Variants in CD36 observed in about 807,000 individuals in gnomAD.
The protein encoded by CD36 is platelet glycoprotein 4.
In CD36, 119 loss-of-function variants were observed where a neutral mutation model predicts 55.2. The ratio of observed to expected loss-of-function variants is 2.15; its 90% CI spans 1.86 to 2.51. The LOEUF (loss-of-function observed/expected upper bound fraction) is 2.51. Ranked by LOEUF, CD36 falls within the 30% of genes most tolerant of loss-of-function variation. The pLI is 0.00. For missense variants in CD36, 819 were observed against 555.5 expected, an observed-to-expected ratio of 1.47 and a Z score of -4.77; for synonymous variants, 186 against 193.6, an observed-to-expected ratio of 0.96 and a Z score of 0.33.
intron 1 of CD36, among the ~76,000 whole-genome samples, chr7:80,620,863 A>G (rs947413092): frequency 2.0e-5 from 3 of 152,258 alleles, no homozygotes; most frequent in Non-Finnish European, 4.4e-5. Context: ...CGTGACAACA[A>G]AGAATTTATA....
At chr7:80,663,584 T>A (rs924918552) in intron 6 of CD36, among the ~76,000 whole-genome samples, 2 of 152,004 alleles carry the variant, frequency 1.3e-5, no homozygotes, top group South Asian at 4.1e-4. Context: ...TTTTAATTTA[T>A]ATTTAAAAGT....
intron 1 of CD36, among the ~76,000 whole-genome samples, chr7:80,627,741 T>G (rs957567485): frequency 1.2e-4 from 18 of 152,234 alleles, no homozygotes; most frequent in African/African-American, 4.3e-4. Flanking sequence ...GTGACTGAAT[T>G]ATTTTAATAC....
intron 3 of CD36, among the ~76,000 whole-genome samples, chr7:80,654,597 T>G (rs1164119106): frequency 6.6e-6 from 1 of 152,138 alleles, no homozygotes; most frequent in Non-Finnish European, 1.5e-5. Flanking sequence ...CAATTTTGTC[T>G]TAATATTAGA....
intron 10 of CD36, among the ~76,000 whole-genome samples, chr7:80,671,671 A>G (rs1034554653): frequency 6.6e-6 from 1 of 151,256 alleles, no homozygotes; most frequent in African/African-American, 2.5e-5. Context: ...GGTGTGGAAG[A>G]AGAAAGAAAA....
chr7:80,675,482 C>T (rs1231982001), intron 14 of CD36, among the ~76,000 whole-genome samples: 2 of 151,834 alleles, frequency 1.3e-5, no homozygotes, highest in Admixed American at 6.6e-5. Flanking sequence ...TGTCAGATTC[C>T]TTGGGTCTAT....
At chr7:80,628,620 G>T (rs1793885787) in intron 1 of CD36, among the ~76,000 whole-genome samples, 2 of 151,994 alleles carry the variant, frequency 1.3e-5, no homozygotes, top group South Asian at 4.1e-4. Context: ...AAATACCTGT[G>T]ATCTAATGCC....
chr7:80,671,426 A>T (rs1322472747), intron 10 of CD36, among the ~76,000 whole-genome samples: 4 of 152,280 alleles, frequency 2.6e-5, no homozygotes, highest in African/African-American at 7.2e-5. Context: ...CTTGTGTTTC[A>T]GTATTACAAA....
chr7:80,603,155 G>A lies in CD36; in HGVS notation c.-184+776G>A, dbSNP rs12531218. Among the ~76,000 whole-genome samples the A allele has an allele frequency of 8.5e-3, 1,294 of 152,076 alleles. 59 individuals are homozygous for A. In the East Asian group the frequency reaches 0.11, roughly 12 times the overall value. On this transcript the variant is annotated intron_variant, in intron 1 of 13. Transcript: ENST00000309881. ...TGGCTACATAAGATCAGACAACACC[G>A]CCAGGAATGACAGAGTCGTTACTTA...
intron 1 of CD36, among the ~76,000 whole-genome samples, chr7:80,640,501 T>C (rs1355184415): frequency 1.3e-5 from 2 of 152,016 alleles, no homozygotes; most frequent in African/African-American, 2.4e-5. Context: ...TAGAGAAAAC[T>C]GTATCACAGA....
At chr7:80,610,647 T>C (rs1792827142) in intron 1 of CD36, among the ~76,000 whole-genome samples, 1 of 152,128 alleles carries the variant, frequency 6.6e-6, no homozygotes, top group Non-Finnish European at 1.5e-5. Flanking sequence ...TGATCTCGGC[T>C]CACTGCAACC....
chr7:80,624,644 TC>T (rs1793648258), intron 1 of CD36, among the ~76,000 whole-genome samples: 1 of 151,972 alleles, frequency 6.6e-6, no homozygotes, highest in Non-Finnish European at 1.5e-5. Flanking sequence ...GACATGGTCA[TC>T]CCAGCACTTT....
At chr7:80,602,534 T>A (rs1266113038) in intron 1 of CD36, among the ~76,000 whole-genome samples, 3 of 152,148 alleles carry the variant, frequency 2.0e-5, no homozygotes, top group Non-Finnish European at 2.9e-5. Flanking sequence ...TTTAACATAT[T>A]TGTAAGTTTT....
At chr7:80,653,765 A>G (rs1795803247) in intron 3 of CD36, among the ~76,000 whole-genome samples, 1 of 152,222 alleles carries the variant, frequency 6.6e-6, no homozygotes, top group Non-Finnish European at 1.5e-5. Context: ...TGACATATTT[A>G]GTCTTGGTAT....
At chr7:80,618,822 G>A (rs983070673) in intron 1 of CD36, among the ~76,000 whole-genome samples, 3 of 152,192 alleles carry the variant, frequency 2.0e-5, no homozygotes, top group Non-Finnish European at 4.4e-5. Context: ...AAATAAAAGT[G>A]CAAGATAAAA....
intron 1 of CD36, among the ~76,000 whole-genome samples, chr7:80,627,575 G>A (rs1305641017): frequency 2.0e-5 from 3 of 151,732 alleles, no homozygotes; most frequent in African/African-American, 4.8e-5. Flanking sequence ...GATCATGTGT[G>A]TTAGCCTTTA....
intron 3 of CD36, among the ~76,000 whole-genome samples, chr7:80,650,209 T>A (rs1795494789): frequency 6.6e-6 from 1 of 152,070 alleles, no homozygotes; most frequent in Non-Finnish European, 1.5e-5. Flanking sequence ...GTCCATAGAC[T>A]AAGACTCATC....
At chr7:80,645,024 T>C in intron 1 of CD36, among the ~76,000 whole-genome samples, 1 of 998 alleles carries the variant, frequency 1.0e-3, no homozygotes, top group South Asian at 0.083. Flanking sequence ...CTTCCAATCT[T>C]TTTTTTTTTT....
At chr7:80,673,801 C>T (rs539211571) in intron 13 of CD36, 182 bp from the exon 14 acceptor site, 29 of 639,022 alleles carry the variant, frequency 4.5e-5, no homozygotes, top group Non-Finnish European at 6.5e-5. Flanking sequence ...TGAAGAGTAC[C>T]GTACTCTATC....
chr7:80,669,679 T>A (rs1178889409), intron 8 of CD36, among the ~76,000 whole-genome samples: 1 of 152,028 alleles, frequency 6.6e-6, no homozygotes, highest in Non-Finnish European at 1.5e-5. Context: ...GTATTTTTAG[T>A]AGAGATGGGG....
Sources: allele counts gnomAD v4.1 joint callset (sites outside exome capture counted in the v4.1 genomes callset), GRCh38; gene constraint gnomAD v4.1.1; transcripts MANE v1.5; gene names NCBI Gene and HGNC (gene_info 2026-07-23, HGNC 2026-07-21).